Variants in MAF observed in about 807,000 individuals in gnomAD.
MAF encodes the protein transcription factor Maf.
In MAF, 10 loss-of-function variants were observed where a neutral mutation model predicts 22.0. The observed-to-expected ratio is 0.45, with a 90% confidence interval of 0.28 to 0.77. The LOEUF is 0.77. MAF is among the 30% of genes least tolerant of loss of function. MAF has a pLI of 0.12. For missense variants in MAF, 544 were observed against 548.4 expected (o/e 0.99, Z 0.08); for synonymous variants, 337 against 255.8 (o/e 1.32, Z -3.03).
At chr16:79,538,920 C>G in the MAF span, among the ~76,000 whole-genome samples, 1 of 149,112 alleles carries the variant, frequency 6.7e-6, no homozygotes, top group African/African-American at 2.5e-5. Flanking sequence ...AAAGAAATCA[C>G]CCAGGAAAAT....
chr16:79,395,913 A>G, the MAF span, among the ~76,000 whole-genome samples: 1 of 152,190 alleles, frequency 6.6e-6, no homozygotes, highest in Admixed American at 6.5e-5. Flanking sequence ...AAGGCAGAAG[A>G]GAACGAGAAG....
At chr16:79,559,033 G>A in the MAF span, among the ~76,000 whole-genome samples, 9 of 152,218 alleles carry the variant, frequency 5.9e-5, no homozygotes, top group African/African-American at 2.2e-4. Context: ...ATCTCGCCTG[G>A]TGGCTGTGTG....
At chr16:79,344,125 T>A in the MAF span, among the ~76,000 whole-genome samples, 1 of 152,210 alleles carries the variant, frequency 6.6e-6, no homozygotes, top group African/African-American at 2.4e-5. Flanking sequence ...AGATGGAAGC[T>A]GGTGTTTGCT....
At chr16:79,211,729 C>G in the MAF span, 2 of 1,614,222 alleles carry the variant, frequency 1.2e-6, no homozygotes. Context: ...AGCGAAGAGA[C>G]GGCCCGGACC....
At chr16:79,412,915 C>T in the MAF span, among the ~76,000 whole-genome samples, 1 of 152,206 alleles carries the variant, frequency 6.6e-6, no homozygotes, top group African/African-American at 2.4e-5. Context: ...CTTCGCCTTG[C>T]CCTGTAGGTA....
chr16:79,223,111 A>AATTGGAAGTAAAACACT, the MAF span, among the ~76,000 whole-genome samples: 436 of 152,294 alleles, frequency 2.9e-3, 6 homozygotes, highest in Admixed American at 0.022. Flanking sequence ...TTGACCACAT[A>AATTGGAAGTAAAACACT]ATTGGAAGTA....
chr16:79,234,627 C>G, the MAF span, among the ~76,000 whole-genome samples: 1 of 152,114 alleles, frequency 6.6e-6, no homozygotes, highest in Non-Finnish European at 1.5e-5. Context: ...TTGTGTGTCT[C>G]AGCCTGGAAA....
At chr16:79,470,897 T>C in the MAF span, among the ~76,000 whole-genome samples, 36 of 152,346 alleles carry the variant, frequency 2.4e-4, 1 homozygote, top group South Asian at 6.8e-3. Context: ...AAGAACCTGA[T>C]GCAGTGAGAG....
the MAF span, among the ~76,000 whole-genome samples, chr16:79,256,257 G>T: frequency 6.6e-6 from 1 of 151,866 alleles, no homozygotes; most frequent in Non-Finnish European, 1.5e-5. Context: ...CAGAGTGCTG[G>T]GATTACAGGT....
At chr16:79,403,362 C>T in the MAF span, among the ~76,000 whole-genome samples, 2 of 152,290 alleles carry the variant, frequency 1.3e-5, no homozygotes, top group African/African-American at 4.8e-5. Context: ...CCTGGGTTAT[C>T]AACCTAAGAG....
chr16:79,415,784 G>T, the MAF span, among the ~76,000 whole-genome samples: 1 of 151,746 alleles, frequency 6.6e-6, no homozygotes, highest in South Asian at 2.1e-4. Context: ...TGCCTTTGGG[G>T]CTAGTTATTA....
chr16:79,207,761 T>G, the MAF span, among the ~76,000 whole-genome samples: 1 of 151,092 alleles, frequency 6.6e-6, no homozygotes, highest in Non-Finnish European at 1.5e-5. Flanking sequence ...TACTAACCAA[T>G]GCATTACAAA....
the MAF span, among the ~76,000 whole-genome samples, chr16:79,327,923 G>A: frequency 1.3e-5 from 2 of 152,192 alleles, no homozygotes; most frequent in African/African-American, 4.8e-5. Context: ...AATCCTGCTA[G>A]GTGCCAACCA....
At chr16:79,365,349 C>T in the MAF span, among the ~76,000 whole-genome samples, 1 of 152,130 alleles carries the variant, frequency 6.6e-6, no homozygotes, top group Non-Finnish European at 1.5e-5. Flanking sequence ...GTGTGTTTAC[C>T]AGACTGATGG....
At chr16:79,239,692 C>G in the MAF span, among the ~76,000 whole-genome samples, 2 of 151,958 alleles carry the variant, frequency 1.3e-5, no homozygotes, top group Non-Finnish European at 2.9e-5. Context: ...CTCTCAATAC[C>G]TGGAAAGCTC....
chr16:79,209,432 T>G, the MAF span, among the ~76,000 whole-genome samples: 1 of 152,252 alleles, frequency 6.6e-6, no homozygotes, highest in Non-Finnish European at 1.5e-5. Context: ...TGCTTTGGTC[T>G]TTCCTCACGC....
chr16:79,499,430 C>T, the MAF span, among the ~76,000 whole-genome samples: 6 of 152,316 alleles, frequency 3.9e-5, no homozygotes, highest in Non-Finnish European at 7.3e-5. Context: ...GGCATAGAAG[C>T]TATAGTAGGC....
chr16:79,212,433 A>G, the MAF span: 1 of 299,626 alleles, frequency 3.3e-6, no homozygotes, highest in Admixed American at 4.5e-5. Context: ...TATGCAAAAA[A>G]TTCTTTAGAG....
chr16:79,542,940 C>T, the MAF span, among the ~76,000 whole-genome samples: 1 of 152,098 alleles, frequency 6.6e-6, no homozygotes, highest in African/African-American at 2.4e-5. Context: ...AGAAATTATC[C>T]CATTGTGTGA....
Sources: allele counts gnomAD v4.1 joint callset (sites outside exome capture counted in the v4.1 genomes callset), GRCh38; gene constraint gnomAD v4.1.1; transcripts MANE v1.5; gene names NCBI Gene and HGNC (gene_info 2026-07-23, HGNC 2026-07-21).